Variants in NEDD4 observed in about 807,000 individuals in gnomAD.
NEDD4 encodes the protein E3 ubiquitin-protein ligase NEDD4.
NEDD4 carries 99 observed loss-of-function variants against 144.9 expected under a neutral mutation model. The ratio of observed to expected loss-of-function variants is 0.68; its 90% CI spans 0.58 to 0.81. The LOEUF (loss-of-function observed/expected upper bound fraction) is 0.81, where lower values mean the gene tolerates loss of function less well. Among genes scored for constraint, NEDD4 ranks in the 30% least tolerant of loss-of-function variants. The pLI is 0.00. For synonymous variants in NEDD4, 318 were observed against 350.6 expected (o/e 0.91, Z 1.04); for missense variants, 985 against 1,065.9 (o/e 0.92, Z 1.06).
intron 4 of NEDD4, among the ~76,000 whole-genome samples, chr15:55,925,611 T>G (rs985528535): frequency 3.3e-5 from 5 of 152,152 alleles, no homozygotes; most frequent in Admixed American, 3.3e-4. Context: ...AAAATAAAAA[T>G]CGCCTACTAT....
At chr15:55,935,437 G>T (rs1335870036) in intron 4 of NEDD4, among the ~76,000 whole-genome samples, 4 of 152,042 alleles carry the variant, frequency 2.6e-5, no homozygotes, top group East Asian at 1.9e-4. Flanking sequence ...TAAGCCTTAG[G>T]GTAACACCAT....
Position 55,985,754 on chromosome 15 carries a change from T to TACAC in NEDD4, c.45+7753_45+7756dup, listed in dbSNP as rs1271882601. On this transcript the variant is annotated intron_variant, in intron 1 of 28. Coordinates refer to ENST00000435532, the MANE Select transcript of NEDD4 (RefSeq NM_006154.4). ...TGTATACTTATATATGTGTGTAGAG[T>TACAC]ACACATACACACACACACACACACA... Among the ~76,000 whole-genome samples, 5 of 111,572 alleles carry TACAC rather than the reference T, an allele frequency of 4.5e-5. No individual in the cohort carries two copies. The East Asian group carries it at 1.0e-3, about 22-fold the overall frequency. 73.2% of individuals were successfully genotyped at this position (111,572 alleles called of 152,430 possible).
intron 6 of NEDD4, among the ~76,000 whole-genome samples, chr15:55,873,678 C>T (rs2034887954): frequency 7.3e-6 from 1 of 137,486 alleles, no homozygotes; most frequent in Non-Finnish European, 1.6e-5. Context: ...TCTAGTTATT[C>T]AGCAGAATAT....
intron 1 of NEDD4, among the ~76,000 whole-genome samples, chr15:55,978,196 C>CA (rs2037737222): frequency 6.6e-6 from 1 of 152,166 alleles, no homozygotes; most frequent in Non-Finnish European, 1.5e-5. Context: ...TAATCAAAAA[C>CA]AATTCCAGGG....
chr15:55,864,079 G>A (rs1257872327), intron 8 of NEDD4, among the ~76,000 whole-genome samples: 1 of 152,162 alleles, frequency 6.6e-6, no homozygotes, highest in Non-Finnish European at 1.5e-5. Flanking sequence ...AAGCCTTAGG[G>A]CAGTTAAAGT....
Position 55,872,450 on chromosome 15 carries a change from T to C in NEDD4, c.369A>G (p.Pro123=), listed in dbSNP as rs1424702459. 8.2e-6 allele frequency: 12 copies of C among 1,471,004 alleles called. No individual in the cohort carries two copies. The highest frequency in any genetic ancestry group is 1.0e-5 in the Non-Finnish European group (11 of 1,094,190). 91.1% of individuals were successfully genotyped at this position (1,471,004 alleles called of 1,614,324 possible). The stretch of plus-strand genomic sequence containing the variant: ...GAAGAACAAAATCCTTAAATGTATA[T>C]GGTCTCTCCAATCTTGGATTTTCTG... ...LPTENPRLER[P]YTFKDFVLHP... The change falls in exon 7 of 29, where the codon CCA becomes CCG. Residue 123 remains proline, a synonymous_variant. Transcript: ENST00000435532.
At chr15:55,910,364 T>G (rs2036231964) in intron 5 of NEDD4, among the ~76,000 whole-genome samples, 1 of 152,052 alleles carries the variant, frequency 6.6e-6, no homozygotes, top group Non-Finnish European at 1.5e-5. Flanking sequence ...GATACTTATG[T>G]TCTCTGTGGT....
intron 5 of NEDD4, among the ~76,000 whole-genome samples, chr15:55,902,326 G>A (rs191958517): frequency 1.3e-5 from 2 of 152,266 alleles, no homozygotes; most frequent in East Asian, 1.9e-4. Flanking sequence ...ATACTAAAAT[G>A]ACATAGTGAC....
rs558464519 is a variant in NEDD4, at chr15:55,865,276, A to G, written c.508-2197T>C. ...TTGAAATCTGTGGCAAAATACGCAG[A>G]TTACTTAGAAAATGGGCACCCATTT... On this transcript the variant is annotated intron_variant, in intron 8 of 28. Coordinates refer to ENST00000435532, the MANE Select transcript of NEDD4 (RefSeq NM_006154.4). 2.6e-5 allele frequency among the ~76,000 whole-genome samples: 4 copies of G among 151,936 alleles called. No individual in the cohort carries two copies. In the East Asian group the frequency reaches 7.7e-4, roughly 29 times the overall value.
intron 24 of NEDD4, among the ~76,000 whole-genome samples, chr15:55,837,484 G>T (rs770834469): frequency 6.7e-6 from 1 of 149,650 alleles, no homozygotes; most frequent in African/African-American, 2.4e-5. Flanking sequence ...TGTGTAAGGT[G>T]ATCCTATTTA....
At chr15:55,930,201 T>G (rs1049751895) in intron 4 of NEDD4, among the ~76,000 whole-genome samples, 2 of 152,208 alleles carry the variant, frequency 1.3e-5, no homozygotes, top group African/African-American at 4.8e-5. Flanking sequence ...AATGGTTACA[T>G]TTCAGATAGG....
At chr15:55,964,992 G>C (rs2037489181) in intron 2 of NEDD4, among the ~76,000 whole-genome samples, 1 of 151,840 alleles carries the variant, frequency 6.6e-6, no homozygotes, top group Non-Finnish European at 1.5e-5. Context: ...GTGTACGCTA[G>C]GTCCCCTTCC....
chr15:55,983,303 T>C (rs34369100), intron 1 of NEDD4, among the ~76,000 whole-genome samples: 9,405 of 151,484 alleles, frequency 0.062, 375 homozygotes, highest in East Asian at 0.15. Flanking sequence ...TGTGTGTGCG[T>C]GCGCGCGCGT....
chr15:55,895,183 A>G (rs1243892508), intron 5 of NEDD4, among the ~76,000 whole-genome samples: 3 of 152,214 alleles, frequency 2.0e-5, no homozygotes, highest in African/African-American at 7.2e-5. Flanking sequence ...CTGAAAATAG[A>G]GATTCACACT....
At chr15:55,838,208 G>A (rs2033303878) in intron 22 of NEDD4, 28 bp from the exon 23 acceptor site, 6 of 1,486,526 alleles carry the variant, frequency 4.0e-6, no homozygotes, top group Non-Finnish European at 5.5e-6. Context: ...AACTTGATAT[G>A]TTATTTTAGC....
chr15:55,944,551 G>C (rs949634712), intron 4 of NEDD4, among the ~76,000 whole-genome samples: 5 of 152,322 alleles, frequency 3.3e-5, no homozygotes, highest in African/African-American at 9.6e-5. Flanking sequence ...CTCAACCTCT[G>C]TGAGCAGGGC....
At chr15:55,942,798 A>G (rs1365021449) in intron 4 of NEDD4, among the ~76,000 whole-genome samples, 3 of 152,228 alleles carry the variant, frequency 2.0e-5, no homozygotes, top group African/African-American at 7.2e-5. Context: ...TGGGTAATGG[A>G]CAGAGGTTGA....
chr15:55,895,636 A>C (rs2035715194), intron 5 of NEDD4, among the ~76,000 whole-genome samples: 1 of 152,216 alleles, frequency 6.6e-6, no homozygotes, highest in African/African-American at 2.4e-5. Flanking sequence ...CTCTACCCCT[A>C]GAATTTCTGA....
chr15:55,915,587 G>A (rs1419041969), intron 5 of NEDD4: 11 of 1,613,792 alleles, frequency 6.8e-6, no homozygotes, highest in Admixed American at 1.7e-5. Flanking sequence ...TCCTATGCAT[G>A]AGCTTAATAT....
Sources: allele counts gnomAD v4.1 joint callset (sites outside exome capture counted in the v4.1 genomes callset), GRCh38; gene constraint gnomAD v4.1.1; transcripts MANE v1.5; gene names NCBI Gene and HGNC (gene_info 2026-07-23, HGNC 2026-07-21).